Variants in ZACN observed in about 807,000 individuals in gnomAD.
ZACN encodes the protein zinc activated ion channel.
Under a neutral mutation model 38.9 loss-of-function variants are expected in ZACN, and 52 were observed. That is an observed-to-expected ratio of 1.34 (90% CI 1.07 to 1.68). The LOEUF (loss-of-function observed/expected upper bound fraction) is 1.68. ZACN is among the 40% of genes most tolerant of loss of function. The pLI is 0.00. For missense variants in ZACN, 559 were observed against 525.6 expected (o/e 1.06, Z -0.62); for synonymous variants, 235 against 227.4 (o/e 1.03, Z -0.30).
In ZACN at chr17:76,082,728, C is replaced by T; in HGVS notation, c.*75C>T. ...GGCTGGGGGCGGGCCATGACAGGGCCTCTGGATTAAGCCACCCTGAGCTCT... is the reference window on the plus strand; with the variant it reads ...GGCTGGGGGCGGGCCATGACAGGGCTTCTGGATTAAGCCACCCTGAGCTCT... On this transcript the variant is annotated 3_prime_UTR_variant, in exon 9 of 9. Transcript: ENST00000334586. 1.4e-6 allele frequency: 2 copies of T among 1,446,828 alleles called. No homozygotes were observed. The highest frequency in any genetic ancestry group is 9.2e-7 in the Non-Finnish European group (1 of 1,088,464). The allele number at this position is 1,446,828 out of a possible 1,614,324, so 89.6% of individuals were successfully genotyped here.
At chr17:76,081,217 C>T (rs2066955154) in intron 5 of ZACN, 61 bp from the exon 6 acceptor site, 2 of 1,602,544 alleles carry the variant, frequency 1.2e-6, no homozygotes, top group South Asian at 1.1e-5. Flanking sequence ...GTCTGCTACC[C>T]CCAGACTTGG....
chr17:76,082,267 A>G, intron 8 of ZACN, 196 bp from the exon 9 acceptor site: 1 of 776,166 alleles, frequency 1.3e-6, no homozygotes, highest in Non-Finnish European at 2.0e-6. Context: ...CAATCCCCTG[A>G]TAACCCATGC....
chr17:76,081,413 T>A lies in ZACN; in HGVS notation c.669+11T>A, dbSNP rs763976488. 6.8e-6 allele frequency: 11 copies of A among 1,613,936 alleles called. No homozygotes were observed. The South Asian group carries it at 1.2e-4, about 18-fold the overall frequency. ...TGCTTCCAGGTGACGGTGAGTCAAG[T>A]CGGGAGGAGGCCGACAGAGGGCTGC... On this transcript the variant is annotated intron_variant, in intron 6 of 8. Coordinates refer to ENST00000334586, the MANE Select transcript of ZACN (RefSeq NM_180990.4).
rs1224611030 is a variant in ZACN, at chr17:76,081,332, G to A, written c.599G>A (p.Arg200Lys). Reference protein sequence around the residue: ...HVVNEIVSVKREYVVYDLKTQ... With the variant: ...HVVNEIVSVKKEYVVYDLKTQ... Reference sequence around the variant, plus strand: ...GTGAACGAGATTGTGAGTGTCAAGAGGGAATACGTAGTTTATGATCTGAAG... The same window carrying A: ...GTGAACGAGATTGTGAGTGTCAAGAAGGAATACGTAGTTTATGATCTGAAG... The change falls in exon 6 of 9, where the codon AGG (arginine) becomes AAG (lysine). Residue 200 changes from arginine to lysine, a missense_variant. Physicochemically the swap from Arg to Lys is conservative, Grantham distance 26. Transcript: ENST00000334586. The A allele has an allele frequency of 5.6e-6, 9 of 1,614,150 alleles. No homozygotes were observed. Among genetic ancestry groups the A allele is most frequent in the Non-Finnish European group, 7.6e-6 (9 of 1,180,032 alleles).
At position 76,079,263 on chromosome 17, in the gene ZACN, C is replaced by T. The variant is rs192357824; in HGVS notation, c.-2C>T. The T allele has an allele frequency of 1.7e-3, 2,737 of 1,610,566 alleles. 21 individuals carry two copies. Among genetic ancestry groups the T allele is most frequent in the South Asian group, 0.013 (1,208 of 90,832 alleles). On this transcript the variant is annotated 5_prime_UTR_variant, in exon 1 of 9. Transcript: ENST00000334586. ...GCTCCCTCCAGTCCCTCCGTGCAGC[C>T]GATGATGGCCCTATGGTCCCTGCTC...
In ZACN at chr17:76,082,615, G is replaced by A. The variant is rs150538160; in HGVS notation, c.1201G>A (p.Gly401Arg). 4.8e-5 allele frequency: 78 copies of A among 1,613,128 alleles called. No homozygotes were observed. The highest frequency in any genetic ancestry group is 5.8e-5 in the Non-Finnish European group (69 of 1,179,808). Reference sequence around the variant, plus strand: ...AGCGTGCAAGTCTGACGCAGCCCCTGGAGAGGCTGCACCCCATGGCAGGCG... The same window carrying A: ...AGCGTGCAAGTCTGACGCAGCCCCTAGAGAGGCTGCACCCCATGGCAGGCG... Reference protein sequence around the residue: ...WAACKSDAAPGEAAPHGRRPR... With the variant: ...WAACKSDAAPREAAPHGRRPR... Residue 401 changes from glycine to arginine, a missense_variant, in exon 9 of 9, where the codon GGA (glycine) becomes AGA (arginine). Coordinates refer to ENST00000334586, the MANE Select transcript of ZACN (RefSeq NM_180990.4).
At position 76,079,378 on chromosome 17, in the gene ZACN, G is replaced by T. The variant is rs1301009057; in HGVS notation, c.97+17G>T. The T allele has an allele frequency of 6.2e-7, 1 of 1,614,074 alleles. No individual in the cohort carries two copies. Among genetic ancestry groups the T allele is most frequent in the Admixed American group, 1.7e-5 (1 of 60,020 alleles). On this transcript the variant is annotated intron_variant, in intron 1 of 8. Transcript: ENST00000334586. ...CAGCAGCCAGTAGGTGGAGGGCAAG[G>T]TCATAAGCTTTGGGACTTGGGCCCT...
At chr17:76,082,103 G>T in intron 8 of ZACN, 54 bp downstream of exon 8, 1 of 1,533,448 alleles carries the variant, frequency 6.5e-7, no homozygotes, top group East Asian at 2.4e-5. Flanking sequence ...CCTAGGGCTG[G>T]GGTGAGGGCA....
chr17:76,080,142 T>C, intron 4 of ZACN, 113 bp from the exon 5 acceptor site: 1 of 1,471,090 alleles, frequency 6.8e-7, no homozygotes, highest in East Asian at 2.5e-5. Context: ...CGAATTCCCC[T>C]CCCACTGCCA....
intron 5 of ZACN, 101 bp downstream of exon 5, chr17:76,080,525 G>C: frequency 6.7e-7 from 1 of 1,501,466 alleles, no homozygotes; most frequent in Non-Finnish European, 9.0e-7. Flanking sequence ...CGGGGCAAGG[G>C]GAAGGGGCAA....
Position 76,079,229 on chromosome 17 carries a change from G to C in ZACN, c.-36G>C. ...TGACTGGAATAGAGGTTGTAGCTTA[G>C]GCACCGCTGCTCCCTCCAGTCCCTC... On this transcript the variant is annotated 5_prime_UTR_variant, in exon 1 of 9. Coordinates refer to ENST00000334586, the MANE Select transcript of ZACN (RefSeq NM_180990.4). 1 of 1,569,284 alleles carries C rather than the reference G, an allele frequency of 6.4e-7. No individual in the cohort carries two copies. Among genetic ancestry groups the C allele is most frequent in the Non-Finnish European group, 8.7e-7 (1 of 1,151,844 alleles).
Position 76,082,022 on chromosome 17 carries a change from G to A in ZACN, c.1021G>A (p.Gly341Ser), listed in dbSNP as rs758573179. ...PAPRGEQREH[G>S]NPGPHPAEEP... Reference sequence around the variant, plus strand: ...CCCGAGAGGGGAACAGCGAGAGCACGGCAACCCAGGGCCTCATCCTGCTGA... The same window carrying A: ...CCCGAGAGGGGAACAGCGAGAGCACAGCAACCCAGGGCCTCATCCTGCTGA... Residue 341 changes from glycine (G) to serine (S), a missense_variant, in exon 8 of 9, where the codon GGC (glycine) becomes AGC (serine). Gly to Ser is a moderately conservative substitution (Grantham distance 56). Transcript: ENST00000334586. 1.4e-5 allele frequency: 22 copies of A among 1,610,432 alleles called. No individual in the cohort carries two copies. Among genetic ancestry groups the A allele is most frequent in the African/African-American group, 4.0e-5 (3 of 74,812 alleles).
At chr17:76,079,594 G>T (rs1028124825) in intron 2 of ZACN, 31 bp downstream of exon 2, 3 of 1,613,844 alleles carry the variant, frequency 1.9e-6, no homozygotes, top group Non-Finnish European at 2.5e-6. Context: ...GGCCCCAAGT[G>T]CTGAGCTGGG....
At chr17:76,081,500 C>T (rs771757847) in intron 6 of ZACN, 45 bp from the exon 7 acceptor site, 4 of 1,610,372 alleles carry the variant, frequency 2.5e-6, no homozygotes, top group East Asian at 2.2e-5. Context: ...CCGATGCCCA[C>T]CTCCTTCCCC....
chr17:76,079,536 G>A lies in ZACN; in HGVS notation c.195G>A (p.Arg65=), dbSNP rs747978111. The change falls in exon 2 of 9, where the codon CGG becomes CGA. Residue 65 remains arginine, a synonymous_variant. Coordinates refer to ENST00000334586, the MANE Select transcript of ZACN (RefSeq NM_180990.4). Reference sequence around the variant, plus strand: ...GTGCGCCCCTGCTCGTGGATGTGCGGGTGTTTGTCTCCAACGTGTTTAATG... The same window carrying A: ...GTGCGCCCCTGCTCGTGGATGTGCGAGTGTTTGTCTCCAACGTGTTTAATG... ...NGSAPLLVDV[R]VFVSNVFNVD... is the part of the protein sequence containing the mutation. The A allele has an allele frequency of 6.2e-7, 1 of 1,614,214 alleles. No homozygotes were observed. The highest frequency in any genetic ancestry group is 1.1e-5 in the South Asian group (1 of 91,082).
rs1346881797 is a variant in ZACN at position 76,081,762 on chromosome 17, C to T, written c.880+7C>T. The T allele has an allele frequency of 6.8e-6, 11 of 1,613,928 alleles. No homozygotes were observed. The highest frequency in any genetic ancestry group is 8.5e-6 in the Non-Finnish European group (10 of 1,180,004). ...TCCTGCAACCCACTGCTCAGTAAGC[C>T]CTGCTCCCTTACCCAGTCTGCCCTG... On this transcript the variant is annotated splice_region_variant and intron_variant, in intron 7 of 8. Coordinates refer to ENST00000334586, the MANE Select transcript of ZACN (RefSeq NM_180990.4).
At chr17:76,081,824 G>C in intron 7 of ZACN, 58 bp from the exon 8 acceptor site, 1 of 1,610,034 alleles carries the variant, frequency 6.2e-7, no homozygotes, top group South Asian at 1.1e-5. Flanking sequence ...CAGCTCGCTG[G>C]GCACCAGAGA....
chr17:76,079,297 C>T lies in ZACN; in HGVS notation c.33C>T (p.Thr11=), dbSNP rs778635897. 72 of 1,613,940 alleles carry T rather than the reference C, an allele frequency of 4.5e-5. No homozygotes were observed. The highest frequency in any genetic ancestry group is 5.9e-5 in the Non-Finnish European group (70 of 1,179,954). Residue 11 remains threonine (T), a synonymous_variant, in exon 1 of 9, where the codon ACC becomes ACT. Coordinates refer to ENST00000334586, the MANE Select transcript of ZACN (RefSeq NM_180990.4). The stretch of plus-strand genomic sequence containing the variant: ...CCCTATGGTCCCTGCTCCATCTCAC[C>T]TTCCTGGGGTTCAGCATTACCTTGC... The part of the protein sequence containing the change: MMALWSLLHL[T]FLGFSITLLL...
In ZACN at chr17:76,081,885, AC is replaced by A. The variant is rs773210527; in HGVS notation, c.885del (p.Tyr296ThrfsTer14). The A allele has an allele frequency of 5.0e-6, 8 of 1,608,778 alleles. No homozygotes were observed. On this transcript the variant is annotated frameshift_variant, in exon 8 of 9. Transcript: ENST00000334586. LOFTEE classifies it high-confidence loss of function. The stretch of plus-strand genomic sequence containing the variant: ...CCCTGTGCCCTGCCTCCCCCAGTTT[AC>A]TACTTCACCATCCTGCTGCTGCTGC... ...SSSSCNPLLI[Y>X]YFTILLLLLF...
Sources: gnomAD v4.1 joint callset for allele counts on GRCh38, gnomAD v4.1.1 for gene constraint, MANE v1.5 for transcripts, NCBI Gene and HGNC (gene_info 2026-07-23, HGNC 2026-07-21) for gene names.